KSR2: variants seen among roughly 807,000 people sequenced by gnomAD.
The protein encoded by KSR2 is kinase suppressor of ras 2.
KSR2 carries 25 observed loss-of-function variants against 107.8 expected under a neutral mutation model. The ratio of observed to expected loss-of-function variants is 0.23; its 90% CI spans 0.17 to 0.32. The LOEUF (loss-of-function observed/expected upper bound fraction) is 0.32, where lower values mean the gene tolerates loss of function less well. Among genes scored for constraint, KSR2 ranks in the 10% least tolerant of loss-of-function variants. The pLI is 1.00. For missense variants in KSR2, 887 were observed against 1,268.9 expected (o/e 0.70, Z 4.57); for synonymous variants, 480 against 507.0 (o/e 0.95, Z 0.71).
intron 1 of KSR2, among the ~76,000 whole-genome samples, chr12:117,953,494 C>T (rs1311333836): frequency 2.6e-5 from 4 of 152,142 alleles, no homozygotes; most frequent in African/African-American, 9.7e-5. Flanking sequence ...ATTATTTAGC[C>T]ATAAACACGA....
chr12:117,508,139 T>C (rs1485202004), intron 14 of KSR2, among the ~76,000 whole-genome samples: 4 of 152,228 alleles, frequency 2.6e-5, no homozygotes, highest in Non-Finnish European at 5.9e-5. Context: ...GAGTCTGTTT[T>C]ATGTTTATAT....
chr12:117,719,061 C>G (rs1008211904), intron 4 of KSR2, among the ~76,000 whole-genome samples: 1 of 152,214 alleles, frequency 6.6e-6, no homozygotes, highest in Admixed American at 6.5e-5. Context: ...AAAGCTATGG[C>G]CTGTGGAGAA....
chr12:117,794,169 T>A (rs1566018716), intron 3 of KSR2, among the ~76,000 whole-genome samples: 1 of 104,992 alleles, frequency 9.5e-6, no homozygotes, highest in Non-Finnish European at 1.8e-5. Flanking sequence ...TACACCAACA[T>A]GCGCACACAC....
intron 4 of KSR2, among the ~76,000 whole-genome samples, chr12:117,750,789 T>C (rs2136824683): frequency 6.6e-6 from 1 of 152,336 alleles, no homozygotes; most frequent in Non-Finnish European, 1.5e-5. Flanking sequence ...TTAGTTTGCT[T>C]AGGATAATGG....
chr12:117,504,844 G>A, intron 14 of KSR2, among the ~76,000 whole-genome samples: 1 of 152,160 alleles, frequency 6.6e-6, no homozygotes, highest in South Asian at 2.1e-4. Flanking sequence ...TGAGATTTTA[G>A]TGTACCTGTC....
intron 5 of KSR2, among the ~76,000 whole-genome samples, chr12:117,617,473 TATTA>T (rs1427513446): frequency 1.3e-4 from 20 of 152,194 alleles, no homozygotes; most frequent in Admixed American, 7.9e-4. Flanking sequence ...ATCTTAATCA[TATTA>T]ATTAAAGTTC....
At chr12:117,932,426 T>A (rs1050212820) in intron 1 of KSR2, among the ~76,000 whole-genome samples, 2 of 151,730 alleles carry the variant, frequency 1.3e-5, no homozygotes, top group African/African-American at 4.8e-5. Context: ...CAGTCAAAAA[T>A]AAGAACAGGC....
chr12:117,736,314 C>G (rs1204709892), intron 4 of KSR2, among the ~76,000 whole-genome samples: 1 of 152,170 alleles, frequency 6.6e-6, no homozygotes, highest in African/African-American at 2.4e-5. Context: ...ACAGCTTTCT[C>G]TCCTTTAGTA....
At chr12:117,472,609 C>T (rs1486028128) in intron 17 of KSR2, among the ~76,000 whole-genome samples, 4 of 152,164 alleles carry the variant, frequency 2.6e-5, no homozygotes, top group Admixed American at 2.6e-4. Context: ...TCAACTATTG[C>T]TAGGGTTTCA....
At chr12:117,523,944 C>T (rs1874937846) in intron 14 of KSR2, among the ~76,000 whole-genome samples, 1 of 152,152 alleles carries the variant, frequency 6.6e-6, no homozygotes, top group Non-Finnish European at 1.5e-5. Flanking sequence ...TGCACTCCAG[C>T]CTGGGCAAGA....
intron 14 of KSR2, among the ~76,000 whole-genome samples, chr12:117,513,081 C>T (rs1716341450): frequency 3.3e-5 from 5 of 152,046 alleles, no homozygotes; most frequent in Admixed American, 3.3e-4. Context: ...TCTGGGGATA[C>T]TGAGTCATTC....
intron 1 of KSR2, among the ~76,000 whole-genome samples, chr12:117,866,814 A>G (rs1208813480): frequency 6.7e-6 from 1 of 149,354 alleles, no homozygotes; most frequent in African/African-American, 2.5e-5. Flanking sequence ...GGGCAACAAG[A>G]GCAATACTCA....
At chr12:117,493,706 C>G (rs1250514840) in intron 14 of KSR2, among the ~76,000 whole-genome samples, 1 of 152,180 alleles carries the variant, frequency 6.6e-6, no homozygotes, top group Non-Finnish European at 1.5e-5. Flanking sequence ...CATGGTTTGG[C>G]TGTGTCCCTA....
At chr12:117,614,872 A>G (rs2136325108) in intron 5 of KSR2, among the ~76,000 whole-genome samples, 1 of 152,314 alleles carries the variant, frequency 6.6e-6, no homozygotes, top group East Asian at 1.9e-4. Context: ...GTGAGCCTGG[A>G]AAGAATTGCT....
Position 117,968,304 on chromosome 12 carries a change from A to ATG in KSR2, c.-50_-49insCA. 4 of 680,644 alleles carry ATG rather than the reference A, an allele frequency of 5.9e-6. No individual in the cohort carries two copies. Among genetic ancestry groups the ATG allele is most frequent in the Non-Finnish European group, 7.6e-6 (4 of 526,564 alleles). 42.2% of individuals were successfully genotyped at this position (680,644 alleles called of 1,614,324 possible). A position where few individuals can be genotyped will look rare whatever the true frequency, so the allele number is the denominator to read the frequency against. On this transcript the variant is annotated 5_prime_UTR_variant, in exon 1 of 20. Transcript: ENST00000339824. Reference sequence around the variant, plus strand: ...CCTCCTCCTCCTCCCAGAGAGAAAAAAGAGGGGGGGGAGTAGAGGTAGTCT... The same window carrying ATG: ...CCTCCTCCTCCTCCCAGAGAGAAAAATGAGAGGGGGGGGAGTAGAGGTAGTCT...
chr12:117,950,434 A>C (rs1221887384), intron 1 of KSR2, among the ~76,000 whole-genome samples: 1 of 152,050 alleles, frequency 6.6e-6, no homozygotes, highest in Non-Finnish European at 1.5e-5. Flanking sequence ...ATATGTTTGA[A>C]ATCTTACATA....
intron 1 of KSR2, among the ~76,000 whole-genome samples, chr12:117,966,371 A>T (rs1046637988): frequency 2.0e-5 from 3 of 152,130 alleles, no homozygotes; most frequent in African/African-American, 7.2e-5. Flanking sequence ...CTGTTCAGGC[A>T]GAGACAGAAG....
intron 4 of KSR2, among the ~76,000 whole-genome samples, chr12:117,694,449 G>GT (rs1446849285): frequency 1.3e-5 from 2 of 152,302 alleles, no homozygotes; most frequent in Middle Eastern, 6.8e-3. Flanking sequence ...ACATGGAACT[G>GT]TGAGTCCATT....
chr12:117,533,748 T>C (rs1269230176), intron 10 of KSR2, among the ~76,000 whole-genome samples: 1 of 152,192 alleles, frequency 6.6e-6, no homozygotes, highest in Non-Finnish European at 1.5e-5. Context: ...AAAGGTTCAC[T>C]GACAGCTATG....
Sources: gnomAD v4.1 joint callset for allele counts (sites outside exome capture counted in the v4.1 genomes callset) on GRCh38, gnomAD v4.1.1 for gene constraint, MANE v1.5 for transcripts, NCBI Gene and HGNC (gene_info 2026-07-23, HGNC 2026-07-21) for gene names.